Variants in RYR2 observed in about 807,000 individuals in gnomAD.
RYR2 encodes ryanodine receptor 2.
RYR2 carries 227 observed loss-of-function variants against 601.1 expected under a neutral mutation model. The ratio of observed to expected loss-of-function variants is 0.38; its 90% confidence interval spans 0.34 to 0.42. RYR2 has a LOEUF of 0.42. Ranked by LOEUF, RYR2 falls within the 10% of genes least tolerant of loss-of-function variation. RYR2 has a pLI of 1.00. For synonymous variants in RYR2, 2,223 were observed against 2,175.1 expected, an observed-to-expected ratio of 1.02 and a Z score of -0.61; for missense variants, 4,646 against 6,156.5, an observed-to-expected ratio of 0.75 and a Z score of 8.21.
At chr1:237,718,355 G>A in intron 72 of RYR2, 107 bp from the exon 73 acceptor site, 1 of 524,358 alleles carries the variant, frequency 1.9e-6, no homozygotes, top group Non-Finnish European at 3.4e-6. Flanking sequence ...TTATAAAGAT[G>A]TTTCTCAGAC....
Position 237,578,300 on chromosome 1 carries a change from G to GA in RYR2, c.3598+8990dup, listed in dbSNP as rs11338852. On this transcript the variant is annotated intron_variant, in intron 29 of 104. Coordinates refer to ENST00000366574, the MANE Select transcript of RYR2 (RefSeq NM_001035.3). ...GAGACAATTTTTTCATTTTAGCACA[G>GA]AAAAAAAAATGGCTCAGGTACAGGT... Among the ~76,000 whole-genome samples, 23 of 151,322 alleles carry GA rather than the reference G, an allele frequency of 1.5e-4. No homozygotes were observed. In the South Asian group the frequency reaches 2.5e-3, roughly 17 times the overall value.
intron 17 of RYR2, among the ~76,000 whole-genome samples, chr1:237,483,233 A>T (rs1353273977): frequency 6.6e-6 from 1 of 152,178 alleles, no homozygotes; most frequent in African/African-American, 2.4e-5. Context: ...GACTATCATC[A>T]CTGCTCCACA....
intron 3 of RYR2, chr1:237,352,819 G>T (rs1262152066): frequency 3.9e-6 from 2 of 507,624 alleles, no homozygotes; most frequent in Non-Finnish European, 7.9e-6. Flanking sequence ...CAGTGCTAAT[G>T]GGGAAAAGAT....
chr1:237,101,761 A>C (rs1668129673), intron 1 of RYR2, among the ~76,000 whole-genome samples: 1 of 152,240 alleles, frequency 6.6e-6, no homozygotes, highest in East Asian at 1.9e-4. Flanking sequence ...CCCATAACCC[A>C]GGAAAGTCTT....
At chr1:237,216,092 T>C (rs1225459755) in intron 1 of RYR2, among the ~76,000 whole-genome samples, 1 of 152,208 alleles carries the variant, frequency 6.6e-6, no homozygotes, top group African/African-American at 2.4e-5. Flanking sequence ...TATAGCATCC[T>C]CTATATAACT....
intron 97 of RYR2, among the ~76,000 whole-genome samples, chr1:237,801,081 A>G (rs1369081416): frequency 6.6e-6 from 1 of 152,248 alleles, no homozygotes; most frequent in Non-Finnish European, 1.5e-5. Flanking sequence ...CATTTATAAA[A>G]TAAGGTAGTT....
Position 237,779,869 on chromosome 1 carries a change from G to A in RYR2, c.11880+1099G>A, listed in dbSNP as rs146860455. Among the ~76,000 whole-genome samples, 214 of 152,308 alleles carry A rather than the reference G, an allele frequency of 1.4e-3. 1 individual carries two copies. Among genetic ancestry groups the A allele is most frequent in the African/African-American group, 4.6e-3 (192 of 41,572 alleles). On this transcript the variant is annotated intron_variant, in intron 88 of 104. Coordinates refer to ENST00000366574, the MANE Select transcript of RYR2 (RefSeq NM_001035.3). ...AATGGGAGAATGAAGATTAGAGAAG[G>A]GGCGAGCAGGAGCTCAGTAGAGTCA...
chr1:237,606,099 T>C (rs1346195808), intron 35 of RYR2, among the ~76,000 whole-genome samples: 6 of 151,322 alleles, frequency 4.0e-5, no homozygotes, highest in Admixed American at 1.3e-4. Flanking sequence ...AAAAAGAGCC[T>C]GCATTGCCAA....
At chr1:237,740,477 A>T (rs1521747) in intron 79 of RYR2, among the ~76,000 whole-genome samples, 40,240 of 151,898 alleles carry the variant, frequency 0.26, 5,913 homozygotes, top group East Asian at 0.57. Flanking sequence ...TTTATTAAAA[A>T]TTTTTTTCAG....
intron 1 of RYR2, among the ~76,000 whole-genome samples, chr1:237,170,690 A>G (rs1677259520): frequency 6.6e-6 from 1 of 152,252 alleles, no homozygotes; most frequent in Non-Finnish European, 1.5e-5. Context: ...CTGCAGATAT[A>G]GAAGATCTTT....
At chr1:237,129,689 T>A (rs1671942868) in intron 1 of RYR2, among the ~76,000 whole-genome samples, 1 of 149,638 alleles carries the variant, frequency 6.7e-6, no homozygotes, top group African/African-American at 2.4e-5. Context: ...TATGATATAG[T>A]ATAACATATA....
chr1:237,489,074 A>G (rs1358278226), intron 17 of RYR2, among the ~76,000 whole-genome samples: 1 of 152,316 alleles, frequency 6.6e-6, no homozygotes, highest in Admixed American at 6.5e-5. Flanking sequence ...ATGTAAATGC[A>G]GGTGCATAGA....
At chr1:237,213,420 G>A (rs685324) in intron 1 of RYR2, among the ~76,000 whole-genome samples, 3 of 151,880 alleles carry the variant, frequency 2.0e-5, no homozygotes, top group African/African-American at 4.8e-5. Context: ...TCAAGTGATC[G>A]TCCTACTTTG....
intron 46 of RYR2, among the ~76,000 whole-genome samples, chr1:237,639,896 G>A (rs1035898534): frequency 3.3e-5 from 5 of 152,094 alleles, no homozygotes; most frequent in Non-Finnish European, 7.3e-5. Context: ...AAGAGTTAGA[G>A]GGCACGCAAT....
chr1:237,273,028 T>A (rs1689862819), intron 2 of RYR2, among the ~76,000 whole-genome samples: 1 of 152,072 alleles, frequency 6.6e-6, no homozygotes, highest in South Asian at 2.1e-4. Flanking sequence ...GGAGGGTGTT[T>A]TGGGGATGAT....
chr1:237,711,846 A>G lies in RYR2; in HGVS notation c.10323+9A>G, dbSNP rs775953099. Reference sequence around the variant, plus strand: ...AGTCAAAGATGTCAAAGGTATTACTATAAACTGTTTCACTGTTCTGGAAAA... The same window carrying G: ...AGTCAAAGATGTCAAAGGTATTACTGTAAACTGTTTCACTGTTCTGGAAAA... On this transcript the variant is annotated intron_variant, in intron 71 of 104. Coordinates refer to ENST00000366574, the MANE Select transcript of RYR2 (RefSeq NM_001035.3). The G allele has an allele frequency of 3.3e-6, 4 of 1,220,854 alleles. No homozygotes were observed. In the African/African-American group the frequency reaches 6.0e-5, roughly 18 times the overall value. The allele number at this position is 1,220,854 out of a possible 1,614,324, so 75.6% of individuals were successfully genotyped here.
chr1:237,253,219 A>G (rs1262357641), intron 1 of RYR2, among the ~76,000 whole-genome samples: 2 of 108,466 alleles, frequency 1.8e-5, no homozygotes, highest in East Asian at 5.6e-4. Flanking sequence ...TACAGTGGAT[A>G]TTACAAATTA....
At chr1:237,313,170 A>G (rs1252209189) in intron 2 of RYR2, among the ~76,000 whole-genome samples, 7 of 150,012 alleles carry the variant, frequency 4.7e-5, no homozygotes, top group Non-Finnish European at 1.0e-4. Flanking sequence ...TATAGTTAAA[A>G]TAATTTTATT....
intron 10 of RYR2, among the ~76,000 whole-genome samples, chr1:237,398,679 G>GAAA (rs1186971468): frequency 3.3e-5 from 5 of 152,102 alleles, no homozygotes; most frequent in African/African-American, 9.7e-5. Flanking sequence ...AAAACATTTT[G>GAAA]GCAGTTTCTT....
Sources: gnomAD v4.1 joint callset for allele counts (sites outside exome capture counted in the v4.1 genomes callset) on GRCh38, gnomAD v4.1.1 for gene constraint, MANE v1.5 for transcripts, NCBI Gene and HGNC (gene_info 2026-07-23, HGNC 2026-07-21) for gene names.